The following HEMK2 variants were observed in gnomAD, a reference collection of about 807,000 sequenced individuals.
HEMK2 encodes the protein methyltransferase HEMK2.
chr21:28,669,946 T>A, the HEMK2 span, among the ~76,000 whole-genome samples: 2 of 152,158 alleles, frequency 1.3e-5, no homozygotes, highest in African/African-American at 4.8e-5. Context: ...TTATGAAACA[T>A]TAAGGATATA....
At chr21:28,789,305 G>A in the HEMK2 span, among the ~76,000 whole-genome samples, 1 of 152,082 alleles carries the variant, frequency 6.6e-6, no homozygotes, top group Admixed American at 6.5e-5. Flanking sequence ...AAGATTGGCT[G>A]TGAGGTGCTG....
chr21:28,597,916 A>C, the HEMK2 span, among the ~76,000 whole-genome samples: 1 of 152,180 alleles, frequency 6.6e-6, no homozygotes, highest in Non-Finnish European at 1.5e-5. Context: ...AGGATGGAAG[A>C]AACTTGAACA....
At chr21:28,680,583 G>A in the HEMK2 span, among the ~76,000 whole-genome samples, 2 of 152,210 alleles carry the variant, frequency 1.3e-5, no homozygotes, top group African/African-American at 4.8e-5. Context: ...CCAAAGCCGG[G>A]CAGAGACACA....
chr21:28,786,485 A>G, the HEMK2 span, among the ~76,000 whole-genome samples: 133 of 152,302 alleles, frequency 8.7e-4, no homozygotes, highest in Non-Finnish European at 1.4e-3. Flanking sequence ...AGCCTGGCCA[A>G]CATGGTGAAA....
chr21:28,749,389 C>T, the HEMK2 span, among the ~76,000 whole-genome samples: 2 of 152,078 alleles, frequency 1.3e-5, no homozygotes, highest in Non-Finnish European at 2.9e-5. Flanking sequence ...CTATTATTAT[C>T]CCATTTTTAG....
chr21:28,638,428 A>C, the HEMK2 span, among the ~76,000 whole-genome samples: 1 of 152,184 alleles, frequency 6.6e-6, no homozygotes, highest in Non-Finnish European at 1.5e-5. Flanking sequence ...ACAGATTAAT[A>C]AGAGCTAAGC....
At chr21:28,701,395 C>T in the HEMK2 span, among the ~76,000 whole-genome samples, 5 of 152,072 alleles carry the variant, frequency 3.3e-5, no homozygotes, top group Non-Finnish European at 5.9e-5. Flanking sequence ...CTAGAAAACT[C>T]CATACCTCTG....
the HEMK2 span, among the ~76,000 whole-genome samples, chr21:28,622,557 T>TCA: frequency 6.6e-6 from 1 of 152,132 alleles, no homozygotes; most frequent in African/African-American, 2.4e-5. Context: ...GCTGGAGGCA[T>TCA]CACACTACCT....
the HEMK2 span, among the ~76,000 whole-genome samples, chr21:28,662,677 T>C: frequency 6.6e-6 from 1 of 152,122 alleles, no homozygotes; most frequent in Non-Finnish European, 1.5e-5. Flanking sequence ...GATCTGATGA[T>C]TTTATAAGGG....
the HEMK2 span, among the ~76,000 whole-genome samples, chr21:28,748,086 TG>T: frequency 4.6e-5 from 7 of 152,158 alleles, no homozygotes; most frequent in African/African-American, 1.7e-4. Flanking sequence ...AACATAAAGA[TG>T]GTAACGATGC....
At chr21:28,878,548 T>A in the HEMK2 span, among the ~76,000 whole-genome samples, 1 of 152,178 alleles carries the variant, frequency 6.6e-6, no homozygotes, top group Admixed American at 6.5e-5. Context: ...TCCTCTTTTA[T>A]CTGTAAAATT....
At chr21:28,627,958 A>G in the HEMK2 span, among the ~76,000 whole-genome samples, 2,117 of 152,264 alleles carry the variant, frequency 0.014, 32 homozygotes, top group African/African-American at 0.037. Flanking sequence ...CAAGTGTCCA[A>G]TGGGAAACCT....
chr21:28,785,089 A>G, the HEMK2 span, among the ~76,000 whole-genome samples: 1 of 152,190 alleles, frequency 6.6e-6, no homozygotes, highest in Non-Finnish European at 1.5e-5. Context: ...GAAGGTCTGC[A>G]GCTTCACTCC....
the HEMK2 span, among the ~76,000 whole-genome samples, chr21:28,601,765 T>C: frequency 6.6e-6 from 1 of 152,050 alleles, no homozygotes; most frequent in African/African-American, 2.4e-5. Context: ...AGCAGACTAT[T>C]AAGTACTCAA....
the HEMK2 span, among the ~76,000 whole-genome samples, chr21:28,831,571 G>GA: frequency 5.4e-5 from 4 of 74,278 alleles, no homozygotes; most frequent in Admixed American, 1.5e-4. Context: ...AAGAAGGAAA[G>GA]AAAGAAAGAA....
chr21:28,779,552 T>A, the HEMK2 span, among the ~76,000 whole-genome samples: 1 of 152,308 alleles, frequency 6.6e-6, no homozygotes, highest in African/African-American at 2.4e-5. Flanking sequence ...AGCAGCAGGG[T>A]GAGTACAGTT....
At chr21:28,792,576 C>A in the HEMK2 span, among the ~76,000 whole-genome samples, 1 of 152,148 alleles carries the variant, frequency 6.6e-6, no homozygotes, top group South Asian at 2.1e-4. Context: ...CAGATGATGT[C>A]TTTCTGGGTG....
the HEMK2 span, among the ~76,000 whole-genome samples, chr21:28,759,117 G>A: frequency 5.3e-5 from 8 of 152,208 alleles, no homozygotes. Context: ...GTGCTCCAGT[G>A]GGTCCTGCAC....
the HEMK2 span, among the ~76,000 whole-genome samples, chr21:28,590,204 T>C: frequency 2.0e-5 from 3 of 152,210 alleles, no homozygotes; most frequent in African/African-American, 7.2e-5. Context: ...CAGATTCAAC[T>C]ATGGGTAAGA....
Sources: allele counts gnomAD v4.1 joint callset (sites outside exome capture counted in the v4.1 genomes callset), GRCh38; gene constraint gnomAD v4.1.1; transcripts MANE v1.5; gene names NCBI Gene and HGNC (gene_info 2026-07-23, HGNC 2026-07-21).